RASEF: variants seen among roughly 807,000 people sequenced by gnomAD.
RASEF encodes ras and EF-hand domain-containing protein.
RASEF carries 68 observed loss-of-function variants against 90.1 expected under a neutral mutation model. The observed-to-expected ratio is 0.75, with a 90% CI of 0.62 to 0.92. The LOEUF is 0.92. Ranked by LOEUF, RASEF falls within the 40% of genes least tolerant of loss-of-function variation. The pLI is 0.00. For missense variants in RASEF, 949 were observed against 937.2 expected (o/e 1.01, Z -0.16); for synonymous variants, 331 against 345.2 (o/e 0.96, Z 0.46).
intron 9 of RASEF, 78 bp from the exon 10 acceptor site, chr9:83,001,208 T>C: frequency 2.0e-6 from 2 of 989,506 alleles, no homozygotes; most frequent in Non-Finnish European, 3.1e-6. Context: ...CCACATGCCA[T>C]TAGATGGAAT....
the RASEF span, among the ~76,000 whole-genome samples, chr9:83,094,190 T>G: frequency 6.6e-6 from 1 of 151,826 alleles, no homozygotes; most frequent in East Asian, 1.9e-4. Context: ...AGTTTATACT[T>G]GCACTGTCTA....
At chr9:83,190,523 A>G in the RASEF span, among the ~76,000 whole-genome samples, 1 of 152,040 alleles carries the variant, frequency 6.6e-6, no homozygotes, top group Non-Finnish European at 1.5e-5. Flanking sequence ...TTAGCTTTTT[A>G]TTTTACTTAT....
chr9:83,186,158 C>T, the RASEF span, among the ~76,000 whole-genome samples: 3 of 152,100 alleles, frequency 2.0e-5, no homozygotes, highest in Non-Finnish European at 4.4e-5. Flanking sequence ...AAACAAGTAG[C>T]TTCTAAATTT....
chr9:83,216,257 G>A, the RASEF span, among the ~76,000 whole-genome samples: 86 of 152,222 alleles, frequency 5.6e-4, no homozygotes, highest in African/African-American at 1.9e-3. Context: ...TGGGGAAAAT[G>A]TCTCCAGGTC....
the RASEF span, among the ~76,000 whole-genome samples, chr9:83,194,092 G>A: frequency 6.6e-6 from 1 of 152,106 alleles, no homozygotes; most frequent in African/African-American, 2.4e-5. Context: ...ACACTACCAT[G>A]GGATATTTGT....
intron 1 of RASEF, among the ~76,000 whole-genome samples, chr9:83,044,149 T>C (rs1440151693): frequency 2.0e-5 from 3 of 152,126 alleles, no homozygotes; most frequent in Admixed American, 2.0e-4. Flanking sequence ...CTGTTCCTCA[T>C]TAAAATGTCA....
chr9:83,020,332 G>A (rs746796088), intron 3 of RASEF, among the ~76,000 whole-genome samples: 1 of 152,168 alleles, frequency 6.6e-6, no homozygotes, highest in Non-Finnish European at 1.5e-5. Context: ...GGCACAGTGA[G>A]GCCACTGGGC....
intron 9 of RASEF, 129 bp downstream of exon 9, chr9:83,004,369 T>C: frequency 1.7e-6 from 1 of 578,698 alleles, no homozygotes; most frequent in Admixed American, 2.9e-5. Context: ...TCAGAACTTT[T>C]AACATCATAG....
chr9:83,068,076 G>A (rs1162638182), upstream of RASEF, among the ~76,000 whole-genome samples: 2 of 152,012 alleles, frequency 1.3e-5, no homozygotes, highest in East Asian at 1.9e-4. Flanking sequence ...GTTTCTCTAC[G>A]TTGCCCAGAC....
chr9:83,203,944 G>C, the RASEF span, among the ~76,000 whole-genome samples: 2 of 152,294 alleles, frequency 1.3e-5, no homozygotes, highest in African/African-American at 4.8e-5. Flanking sequence ...ATTCACTGCA[G>C]AGTGCCATTC....
chr9:83,022,540 C>A, intron 2 of RASEF, 114 bp from the exon 3 acceptor site: 1 of 716,684 alleles, frequency 1.4e-6, no homozygotes, highest in Non-Finnish European at 2.4e-6. Context: ...AGAGAAACAC[C>A]CCATTCAAAA....
At chr9:83,213,592 A>T in the RASEF span, among the ~76,000 whole-genome samples, 9 of 151,772 alleles carry the variant, frequency 5.9e-5, no homozygotes, top group South Asian at 1.9e-3. Flanking sequence ...GATGGATAAA[A>T]CTCTCCTCAT....
At chr9:83,125,008 C>T in the RASEF span, among the ~76,000 whole-genome samples, 1 of 152,312 alleles carries the variant, frequency 6.6e-6, no homozygotes, top group African/African-American at 2.4e-5. Flanking sequence ...GCTGCCTGCT[C>T]AATGATGTCA....
At chr9:82,990,827 A>G (rs112352561) in intron 15 of RASEF, among the ~76,000 whole-genome samples, 1 of 152,326 alleles carries the variant, frequency 6.6e-6, no homozygotes, top group African/African-American at 2.4e-5. Flanking sequence ...ATGTCCATCA[A>G]GAGTCTGTTT....
chr9:83,102,020 A>G, the RASEF span, among the ~76,000 whole-genome samples: 1 of 152,160 alleles, frequency 6.6e-6, no homozygotes, highest in East Asian at 1.9e-4. Context: ...ACTATTTTAA[A>G]CAGTGAAATC....
chr9:83,071,552 C>T, the RASEF span, among the ~76,000 whole-genome samples: 1 of 152,058 alleles, frequency 6.6e-6, no homozygotes, highest in Non-Finnish European at 1.5e-5. Context: ...ACCACAGGCG[C>T]ACACCACCAC....
chr9:83,199,224 T>TAAAAA, the RASEF span, among the ~76,000 whole-genome samples: 2 of 118,662 alleles, frequency 1.7e-5, no homozygotes. Context: ...AGCCCTAATT[T>TAAAAA]AAAAAAAAAA....
the RASEF span, among the ~76,000 whole-genome samples, chr9:83,077,425 C>T: frequency 2.8e-4 from 43 of 152,224 alleles, no homozygotes; most frequent in African/African-American, 9.1e-4. Context: ...ATACTTTTTA[C>T]GAATAGTTTC....
At chr9:83,063,233 C>G (rs1393974960), upstream of RASEF, 1 of 239,180 alleles carries the variant, frequency 4.2e-6, no homozygotes, top group Non-Finnish European at 8.0e-6. Flanking sequence ...CACCGCTTCT[C>G]CAGTTCCCAC....
Sources: allele counts gnomAD v4.1 joint callset (sites outside exome capture counted in the v4.1 genomes callset), GRCh38; gene constraint gnomAD v4.1.1; transcripts MANE v1.5; gene names NCBI Gene and HGNC (gene_info 2026-07-23, HGNC 2026-07-21).